The following ELMOD1 variants were observed in gnomAD, a reference collection of about 807,000 sequenced individuals.
ELMOD1 encodes ELMO domain-containing protein 1.
A neutral mutation model predicts 46.7 loss-of-function variants in ELMOD1; 21 were observed. That is an observed-to-expected ratio of 0.45 (90% confidence interval 0.32 to 0.65). ELMOD1 has a LOEUF of 0.65. Ranked by LOEUF, ELMOD1 falls within the 30% of genes least tolerant of loss-of-function variation. ELMOD1 has a pLI of 0.04. For missense variants in ELMOD1, 348 were observed against 407.8 expected (o/e 0.85, Z 1.26); for synonymous variants, 122 against 138.2 (o/e 0.88, Z 0.82).
At chr11:107,645,537 C>G (rs2135704643) in intron 6 of ELMOD1, among the ~76,000 whole-genome samples, 2 of 151,554 alleles carry the variant, frequency 1.3e-5, no homozygotes, top group African/African-American at 4.8e-5. Flanking sequence ...CTTGGCCAGG[C>G]TGGTCTCGAA....
intron 7 of ELMOD1, among the ~76,000 whole-genome samples, chr11:107,648,761 T>C (rs1167089206): frequency 1.4e-4 from 1 of 6,908 alleles, no homozygotes; most frequent in Admixed American, 1.9e-3. Context: ...CTTGTTAGTG[T>C]CAATTTTTTT....
chr11:107,649,542 G>C (rs955931676), intron 7 of ELMOD1, among the ~76,000 whole-genome samples: 5 of 152,262 alleles, frequency 3.3e-5, no homozygotes, highest in East Asian at 3.9e-4. Context: ...GAACAGACGA[G>C]ACATAAAAGA....
chr11:107,656,559 T>C (rs1369826323), intron 11 of ELMOD1, among the ~76,000 whole-genome samples: 2 of 151,760 alleles, frequency 1.3e-5, no homozygotes, highest in East Asian at 3.9e-4. Context: ...GAGAGATCTT[T>C]GTGATTTGGC....
chr11:107,652,995 C>T (rs1192163812), intron 9 of ELMOD1, among the ~76,000 whole-genome samples: 2 of 152,130 alleles, frequency 1.3e-5, no homozygotes, highest in Non-Finnish European at 2.9e-5. Flanking sequence ...ATGCAAACTA[C>T]AGTTTATACA....
chr11:107,643,454 A>G (rs1866361560), intron 6 of ELMOD1: 1 of 300,558 alleles, frequency 3.3e-6, no homozygotes, highest in Non-Finnish European at 6.9e-6. Context: ...ATTCCTTTAT[A>G]CTAACCCTGC....
intron 1 of ELMOD1, among the ~76,000 whole-genome samples, chr11:107,599,619 G>A (rs1363717536): frequency 6.6e-6 from 1 of 151,662 alleles, no homozygotes; most frequent in African/African-American, 2.4e-5. Context: ...GCATGTGCCT[G>A]TAATCCCAGC....
intron 7 of ELMOD1, among the ~76,000 whole-genome samples, chr11:107,648,822 G>C (rs1294905929): frequency 5.3e-5 from 8 of 150,170 alleles, no homozygotes; most frequent in African/African-American, 2.0e-4. Context: ...GTTTTTATAT[G>C]TTTATTGTAA....
At chr11:107,653,990 T>C (rs1208126155) in intron 9 of ELMOD1, 182 bp from the exon 10 acceptor site, 6 of 598,386 alleles carry the variant, frequency 1.0e-5, no homozygotes, top group African/African-American at 3.7e-5. Flanking sequence ...GTAAATAGCA[T>C]GGCCTTAAAT....
chr11:107,638,701 A>C (rs1015529377), intron 6 of ELMOD1, among the ~76,000 whole-genome samples: 3 of 152,160 alleles, frequency 2.0e-5, no homozygotes, highest in Admixed American at 2.0e-4. Context: ...CATACCACCC[A>C]TTTTACAAGT....
intron 2 of ELMOD1, among the ~76,000 whole-genome samples, chr11:107,623,042 G>C (rs1390750760): frequency 6.6e-6 from 1 of 152,078 alleles, no homozygotes; most frequent in African/African-American, 2.4e-5. Context: ...TGTTACATAT[G>C]TATACATGTG....
intron 11 of ELMOD1, among the ~76,000 whole-genome samples, chr11:107,658,995 G>A (rs1866681883): frequency 6.6e-6 from 1 of 152,224 alleles, no homozygotes; most frequent in African/African-American, 2.4e-5. Context: ...CTGGAAGTCA[G>A]GGAAGTTTCT....
rs1035179362 is a variant in ELMOD1 at position 107,646,457 on chromosome 11, G to A, written c.421-1011G>A. ...GAGACCTAAAAAATGAAACTTGGCC[G>A]GGTGTGGTGGCTCACACCTGTAATC... On this transcript the variant is annotated intron_variant, in intron 6 of 11. Transcript: ENST00000265840. Among the ~76,000 whole-genome samples, 15 of 152,184 alleles carry A rather than the reference G, an allele frequency of 9.9e-5. No homozygotes were observed. The South Asian group carries it at 1.0e-3, about 11-fold the overall frequency.
At chr11:107,624,885 C>A (rs1326771596) in intron 2 of ELMOD1, among the ~76,000 whole-genome samples, 1 of 152,116 alleles carries the variant, frequency 6.6e-6, no homozygotes, top group African/African-American at 2.4e-5. Context: ...TAACATTGAT[C>A]TATGATAGAT....
At chr11:107,662,534 CG>C in intron 11 of ELMOD1, among the ~76,000 whole-genome samples, 1 of 150,274 alleles carries the variant, frequency 6.7e-6, no homozygotes, top group East Asian at 2.0e-4. Flanking sequence ...CGCTTGAACC[CG>C]GGAGGCAGAG....
intron 6 of ELMOD1, among the ~76,000 whole-genome samples, chr11:107,639,703 A>G (rs1050073821): frequency 1.3e-5 from 2 of 152,168 alleles, no homozygotes; most frequent in African/African-American, 2.4e-5. Flanking sequence ...TGTGATGGAT[A>G]ACAGTCTGAC....
At chr11:107,647,339 A>T in intron 6 of ELMOD1, 129 bp from the exon 7 acceptor site, 1 of 642,680 alleles carries the variant, frequency 1.6e-6, no homozygotes, top group Non-Finnish European at 2.5e-6. Context: ...ATAGATGATC[A>T]CATCTTTAAT....
Position 107,630,501 on chromosome 11 carries a change from A to T in ELMOD1, c.102A>T (p.Arg34Ser), listed in dbSNP as rs1329385689. 6 of 1,610,130 alleles carry T rather than the reference A, an allele frequency of 3.7e-6. No homozygotes were observed. Residue 34 changes from arginine to serine, a missense_variant, in exon 3 of 12, where the codon AGA (arginine) becomes AGT (serine). By Grantham distance (110) the Arg-to-Ser change is moderately radical. Transcript: ENST00000265840. ...LKFVMRKLTG[R>S]CELQRICYNT... ...TTGTAATGAGGAAGCTAACTGGAAG[A>T]TGTGAACTACAACGGATCTGTTATA...
intron 1 of ELMOD1, chr11:107,592,370 G>C (rs1328975657): frequency 1.9e-6 from 1 of 534,440 alleles, no homozygotes; most frequent in Non-Finnish European, 3.8e-6. Context: ...ACTATCAATT[G>C]AGTCTGTCAT....
chr11:107,648,764 A>AT (rs11369220), intron 7 of ELMOD1, among the ~76,000 whole-genome samples: 142,926 of 147,640 alleles, frequency 0.97, 69,178 homozygotes, highest in East Asian at 0.99. Context: ...GTTAGTGTCA[A>AT]TTTTTTTTTT....
Sources: gnomAD v4.1 joint callset for allele counts (sites outside exome capture counted in the v4.1 genomes callset) on GRCh38, gnomAD v4.1.1 for gene constraint, MANE v1.5 for transcripts, NCBI Gene and HGNC (gene_info 2026-07-23, HGNC 2026-07-21) for gene names.